L3MBTL1: variants seen among roughly 807,000 people sequenced by gnomAD.
L3MBTL1 encodes lethal(3)malignant brain tumor-like protein 1.
Under a neutral mutation model 105.3 loss-of-function variants are expected in L3MBTL1, and 75 were observed. That is an observed-to-expected ratio of 0.71 (90% CI 0.59 to 0.86). The LOEUF (loss-of-function observed/expected upper bound fraction) is 0.86, where lower values mean the gene tolerates loss of function less well. L3MBTL1 is among the 40% of genes least tolerant of loss of function. L3MBTL1 has a pLI of 0.00. For synonymous variants in L3MBTL1, 452 were observed against 436.2 expected (o/e 1.04, Z -0.45); for missense variants, 1,069 against 1,126.4 (o/e 0.95, Z 0.73).
At position 43,541,317 on chromosome 20, in the gene L3MBTL1, A is replaced by G; in HGVS notation, c.*189A>G. On this transcript the variant is annotated 3_prime_UTR_variant, in exon 22 of 22. Coordinates refer to ENST00000418998, the MANE Select transcript of L3MBTL1 (RefSeq NM_001377303.1). ...TCTGGGTTTAAATCCCAGTTCTGTCAATTTGAGCTGTTTACTGTCTCTGAG... is the reference window on the plus strand; with the variant it reads ...TCTGGGTTTAAATCCCAGTTCTGTCGATTTGAGCTGTTTACTGTCTCTGAG... 8.7e-7 allele frequency: 1 copy of G among 1,145,226 alleles called. No individual in the cohort carries two copies. Among genetic ancestry groups the G allele is most frequent in the Non-Finnish European group, 1.2e-6 (1 of 842,104 alleles). The allele number at this position is 1,145,226 out of a possible 1,614,324, so 70.9% of individuals were successfully genotyped here.
intron 19 of L3MBTL1, 52 bp downstream of exon 19, chr20:43,536,510 G>T: frequency 6.3e-7 from 1 of 1,588,982 alleles, no homozygotes; most frequent in Non-Finnish European, 8.6e-7. Context: ...TGTTCACAGC[G>T]AGTGCTCTGT....
intron 9 of L3MBTL1, 67 bp downstream of exon 9, chr20:43,529,435 G>C: frequency 9.0e-7 from 1 of 1,105,936 alleles, no homozygotes; most frequent in Middle Eastern, 2.0e-4. Flanking sequence ...ATCTTGCTGG[G>C]GACATAGAAG....
intron 7 of L3MBTL1, among the ~76,000 whole-genome samples, chr20:43,526,953 GACAA>G (rs2145434614): frequency 6.6e-6 from 1 of 152,060 alleles, no homozygotes; most frequent in Non-Finnish European, 1.5e-5. Context: ...TCTCAAAACA[GACAA>G]ACAAAAACAA....
chr20:43,514,363 A>G (rs1216259071), intron 3 of L3MBTL1: 1 of 1,299,922 alleles, frequency 7.7e-7, no homozygotes, highest in Non-Finnish European at 1.0e-6. Flanking sequence ...GGCGTGGCTT[A>G]GAGTGGGGTA....
At chr20:43,534,177 C>T in intron 14 of L3MBTL1, 84 bp downstream of exon 14, 2 of 1,527,136 alleles carry the variant, frequency 1.3e-6, no homozygotes, top group Admixed American at 3.4e-5. Flanking sequence ...CTAGCCTTCC[C>T]CTTTGGGCAG....
At chr20:43,523,485 G>A in intron 7 of L3MBTL1, 1 of 252,688 alleles carries the variant, frequency 4.0e-6, no homozygotes. Context: ...CTTTTGCATA[G>A]TCAGTGATCC....
chr20:43,549,878 G>A (rs1226248215), exon 19 of L3MBTL1: 3 of 152,210 alleles, frequency 2.0e-5, no homozygotes, highest in African/African-American at 7.2e-5. Flanking sequence ...CCAGAGCTCT[G>A]TTGATTTCCT....
At chr20:43,531,057 C>A in intron 11 of L3MBTL1, 168 bp downstream of exon 11, 1 of 610,726 alleles carries the variant, frequency 1.6e-6, no homozygotes, top group Non-Finnish European at 2.9e-6. Flanking sequence ...GGTCCAGGGC[C>A]AGAGATGGGA....
At position 43,514,472 on chromosome 20, in the gene L3MBTL1, G is replaced by A. The variant is rs890112685; in HGVS notation, c.361-163G>A. ...GCTTGGGGGCGTAGCCTGGAGTGAG[G>A]GTTTGGCTGGTGTAGCTTGGAGTGA... is the stretch of plus-strand genomic sequence containing the variant. On this transcript the variant is annotated intron_variant, in intron 3 of 21. Coordinates refer to ENST00000418998, the MANE Select transcript of L3MBTL1 (RefSeq NM_001377303.1). 3 of 1,518,696 alleles carry A rather than the reference G, an allele frequency of 2.0e-6. No homozygotes were observed. In the African/African-American group the frequency reaches 4.1e-5, roughly 21 times the overall value. The allele number at this position is 1,518,696 out of a possible 1,614,324, so 94.1% of individuals were successfully genotyped here. A position where few individuals can be genotyped will look rare whatever the true frequency, so the allele number is the denominator to read the frequency against.
downstream of L3MBTL1, among the ~76,000 whole-genome samples, chr20:43,545,724 C>T (rs1978553880): frequency 1.3e-5 from 2 of 152,362 alleles, no homozygotes; most frequent in South Asian, 4.1e-4. Flanking sequence ...CAGGTAATCT[C>T]ATCGGTGTGT....
At chr20:43,548,028 GCACA>G in intron 18 of L3MBTL1, 2 of 567,384 alleles carry the variant, frequency 3.5e-6, no homozygotes, top group East Asian at 1.0e-4. Flanking sequence ...CATTCCCCAT[GCACA>G]CCCCTCCCTT....
At chr20:43,543,071 G>A (rs1027007515), downstream of L3MBTL1, among the ~76,000 whole-genome samples, 4 of 150,648 alleles carry the variant, frequency 2.7e-5, no homozygotes, top group Non-Finnish European at 5.9e-5. Context: ...AACTACAGTC[G>A]AACCAAATTT....
In L3MBTL1 at chr20:43,541,361, T is replaced by C. The variant is rs972801931; in HGVS notation, c.*233T>C. 2.8e-6 allele frequency: 2 copies of C among 724,540 alleles called. No homozygotes were observed. Among genetic ancestry groups the C allele is most frequent in the South Asian group, 2.1e-5 (1 of 48,004 alleles). 44.9% of individuals were successfully genotyped at this position (724,540 alleles called of 1,614,324 possible). A position where few individuals can be genotyped will look rare whatever the true frequency, so the allele number is the denominator to read the frequency against. The stretch of plus-strand genomic sequence containing the variant: ...CTCTGAGCCTACATCTTCTTGTCTG[T>C]AAAATGGAGATAAAATGGGTTTAAT... On this transcript the variant is annotated 3_prime_UTR_variant, in exon 22 of 22. Coordinates refer to ENST00000418998, the MANE Select transcript of L3MBTL1 (RefSeq NM_001377303.1).
At position 43,522,456 on chromosome 20, in the gene L3MBTL1, A is replaced by ATTTTTTTTTT. The variant is rs778355165; in HGVS notation, c.863-6201_863-6200insTTTTTTTTTT. Among the ~76,000 whole-genome samples, 180 of 89,934 alleles carry ATTTTTTTTTT rather than the reference A, an allele frequency of 2.0e-3. 2 individuals are homozygous for ATTTTTTTTTT. The highest frequency in any genetic ancestry group is 5.5e-3 in the East Asian group (13 of 2,382). The allele number at this position is 89,934 out of a possible 152,430, so 59.0% of individuals were successfully genotyped here. On this transcript the variant is annotated intron_variant, in intron 7 of 21. Transcript: ENST00000418998. ...ATGGTAACTGAATTTTTCCCTGCTA[A>ATTTTTTTTTT]GTTTTTTTTTTTTTTTTTTTTTTTT...
chr20:43,531,887 G>A (rs1195095609), intron 11 of L3MBTL1: 1 of 152,068 alleles, frequency 6.6e-6, no homozygotes. Flanking sequence ...TAAATTATTA[G>A]CTGGGCATGG....
At chr20:43,547,244 G>A (rs1036991649) in intron 18 of L3MBTL1, among the ~76,000 whole-genome samples, 1 of 151,738 alleles carries the variant, frequency 6.6e-6, no homozygotes, top group Non-Finnish European at 1.5e-5. Flanking sequence ...AGCTGGGACT[G>A]CAGGCGCCCG....
At chr20:43,547,102 C>CT (rs11478523) in intron 18 of L3MBTL1, among the ~76,000 whole-genome samples, 1,531 of 122,642 alleles carry the variant, frequency 0.012, 25 homozygotes, top group African/African-American at 0.017. Flanking sequence ...TTTTTAATGA[C>CT]TTTTTTTTTT....
chr20:43,540,934 G>A lies in L3MBTL1; in HGVS notation c.2395G>A (p.Ala799Thr). 6.2e-7 allele frequency: 1 copy of A among 1,613,968 alleles called. No individual in the cohort carries two copies. Among genetic ancestry groups the A allele is most frequent in the Non-Finnish European group, 8.5e-7 (1 of 1,179,912 alleles). Residue 799 changes from alanine to threonine, a missense_variant and splice_region_variant, in exon 22 of 22, where the codon GCA (alanine) becomes ACA (threonine). Coordinates refer to ENST00000418998, the MANE Select transcript of L3MBTL1 (RefSeq NM_001377303.1). ...GGAGGGACCCGTGTTGCCCCACCAG[G>A]CAAGAATAGTCAGAGTGACCCATGT... ...EDQARLFKDE[A>T]RIVRVTHVSG...
Position 43,514,045 on chromosome 20 carries a change from C to T in L3MBTL1, c.344C>T (p.Pro115Leu). The T allele has an allele frequency of 6.5e-7, 1 of 1,534,608 alleles. No homozygotes were observed. Among genetic ancestry groups the T allele is most frequent in the Non-Finnish European group, 8.7e-7 (1 of 1,146,342 alleles). The change falls in exon 3 of 22, where the codon CCA becomes CTA. Residue 115 changes from proline (P) to leucine (L), a missense_variant. Transcript: ENST00000418998. ...LEWTEAAAPP[P>L]GGGLRFRISE... ...TGGACAGAGGCCGCGGCCCCGCCCC[C>T]AGGGGGCGGCCTGCGGGTCAGTGTC... is the stretch of plus-strand genomic sequence containing the variant.
Sources: allele counts gnomAD v4.1 joint callset (sites outside exome capture counted in the v4.1 genomes callset), GRCh38; gene constraint gnomAD v4.1.1; transcripts MANE v1.5; gene names NCBI Gene and HGNC (gene_info 2026-07-23, HGNC 2026-07-21).